Variants in CDH23 observed in about 807,000 individuals in gnomAD.
CDH23 encodes the protein cadherin related 23.
Under a neutral mutation model 317.1 loss-of-function variants are expected in CDH23, and 189 were observed. The ratio of observed to expected loss-of-function variants is 0.60; its 90% confidence interval spans 0.53 to 0.67. The LOEUF is 0.67. Ranked by LOEUF, CDH23 falls within the 30% of genes least tolerant of loss-of-function variation. CDH23 has a pLI of 0.00. For synonymous variants in CDH23, 1,839 were observed against 1,876.8 expected (o/e 0.98, Z 0.52); for missense variants, 4,401 against 4,592.4 (o/e 0.96, Z 1.20).
intron 3 of CDH23, among the ~76,000 whole-genome samples, chr10:71,485,641 C>T (rs749408611): frequency 7.9e-5 from 12 of 152,228 alleles, no homozygotes; most frequent in Non-Finnish European, 1.5e-4. Context: ...GATTCATGCC[C>T]CGAGGCAGGA....
At chr10:71,411,524 T>A (rs1348245295) in intron 1 of CDH23, among the ~76,000 whole-genome samples, 1 of 152,154 alleles carries the variant, frequency 6.6e-6, no homozygotes, top group African/African-American at 2.4e-5. Context: ...TTTTGATTTT[T>A]AAAAACATAT....
rs771841361 is a variant in CDH23, at chr10:71,799,616, T to C, written c.7349T>C (p.Ile2450Thr). 1 of 1,614,046 alleles carries C rather than the reference T, an allele frequency of 6.2e-7. No homozygotes were observed. The highest frequency in any genetic ancestry group is 1.7e-5 in the Admixed American group (1 of 60,028). ...SLGDGESKFAINPTTGDIYVL... is the reference protein window; with the variant it reads ...SLGDGESKFATNPTTGDIYVL... ...GGAGATGGAGAGAGCAAGTTTGCCA[T>C]CAACCCCACCACGGTGAGCAGTGAT... Residue 2450 changes from isoleucine (I) to threonine (T), a missense_variant, in exon 52 of 70, where the codon ATC (isoleucine) becomes ACC (threonine). This residue lies in a region of CDH23 where 189 missense variants were observed against 250.9 expected (regional missense o/e 0.75). Coordinates refer to ENST00000224721, the MANE Select transcript of CDH23 (RefSeq NM_022124.6).
At chr10:71,712,585 C>G (rs892541932) in intron 27 of CDH23, 80 bp from the exon 28 acceptor site, 7 of 1,539,864 alleles carry the variant, frequency 4.5e-6, no homozygotes, top group Non-Finnish European at 6.2e-6. Context: ...CTGGCCGGTG[C>G]CCGGGAGTGT....
At position 71,564,108 on chromosome 10, in the gene CDH23, A is replaced by T. The variant is rs577031423; in HGVS notation, c.430-2634A>T. ...AGTTAGGGAGTCTAACTCAGAATTC[A>T]TGCTCTGAGCCACCAAGTGTTACTC... On this transcript the variant is annotated intron_variant, in intron 6 of 69. Transcript: ENST00000224721. 6.6e-5 allele frequency among the ~76,000 whole-genome samples: 10 copies of T among 152,300 alleles called. No individual in the cohort carries two copies. In the East Asian group the frequency reaches 1.9e-3, roughly 29 times the overall value.
rs1866199651 is a variant in CDH23, at chr10:71,715,946, G to A, written c.3369+3133G>A. 3 of 1,469,134 alleles carry A rather than the reference G, an allele frequency of 2.0e-6. No homozygotes were observed. In the South Asian group the frequency reaches 4.3e-5, roughly 21 times the overall value. 91.0% of individuals were successfully genotyped at this position (1,469,134 alleles called of 1,614,324 possible). On this transcript the variant is annotated intron_variant, in intron 28 of 69. Coordinates refer to ENST00000224721, the MANE Select transcript of CDH23 (RefSeq NM_022124.6). ...TTTGTGGACACCCCATTACATCTTG[G>A]TAGATTCCATGTAGTCACAGTGGCT...
At chr10:71,792,169 C>T (rs1181780429) in intron 47 of CDH23, among the ~76,000 whole-genome samples, 1 of 152,094 alleles carries the variant, frequency 6.6e-6, no homozygotes, top group Non-Finnish European at 1.5e-5. Context: ...ATAAAGGAAG[C>T]AATGAGGCCA....
chr10:71,524,181 A>G (rs531484706), intron 6 of CDH23, among the ~76,000 whole-genome samples: 64 of 152,290 alleles, frequency 4.2e-4, no homozygotes, highest in Admixed American at 5.9e-4. Flanking sequence ...CTTACGGGTG[A>G]CTGTGAGCTC....
chr10:71,604,677 C>T (rs1860425982), intron 9 of CDH23, among the ~76,000 whole-genome samples: 1 of 152,246 alleles, frequency 6.6e-6, no homozygotes, highest in Non-Finnish European at 1.5e-5. Flanking sequence ...CCAGTCTCCC[C>T]AGCAGGAGTG....
intron 36 of CDH23, 107 bp downstream of exon 36, chr10:71,739,879 A>C: frequency 7.6e-7 from 1 of 1,307,826 alleles, no homozygotes; most frequent in South Asian, 1.5e-5. Context: ...TCTGGTGGTC[A>C]GTGCCCCTGC....
intron 41 of CDH23, among the ~76,000 whole-genome samples, chr10:71,783,250 C>T (rs141494636): frequency 6.6e-6 from 1 of 152,230 alleles, no homozygotes; most frequent in Non-Finnish European, 1.5e-5. Context: ...CCACAGCCCC[C>T]ACCATTCTTG....
intron 11 of CDH23, among the ~76,000 whole-genome samples, chr10:71,632,211 A>G (rs9664756): frequency 0.11 from 16,748 of 152,286 alleles, 3,071 homozygotes; most frequent in African/African-American, 0.38. Flanking sequence ...AGGCACCAGC[A>G]TGAGCAGCAG....
chr10:71,647,601 C>G (rs1185849281), intron 14 of CDH23: 1 of 152,260 alleles, frequency 6.6e-6, no homozygotes, highest in Non-Finnish European at 1.5e-5. Context: ...TGACTTCTTA[C>G]CAATTTATCA....
chr10:71,760,117 G>GTGTGTATATATATGTATATACATATATA (rs1840305952), intron 38 of CDH23, among the ~76,000 whole-genome samples: 1 of 53,010 alleles, frequency 1.9e-5, no homozygotes, highest in Non-Finnish European at 4.9e-5. Flanking sequence ...ATACATATAT[G>GTGTGTATATATATGTATATACATATATA]TGTGTATATA....
intron 6 of CDH23, among the ~76,000 whole-genome samples, chr10:71,524,238 C>T (rs145751683): frequency 6.6e-6 from 1 of 152,298 alleles, no homozygotes; most frequent in Non-Finnish European, 1.5e-5. Flanking sequence ...GTGGACGGAC[C>T]CTCAGGGCCT....
chr10:71,495,385 T>G (rs1017215474), intron 3 of CDH23, among the ~76,000 whole-genome samples: 1 of 152,076 alleles, frequency 6.6e-6, no homozygotes, highest in African/African-American at 2.4e-5. Flanking sequence ...GCTTTTATGA[T>G]TGCGCCTTTC....
At chr10:71,528,832 C>T in intron 6 of CDH23, among the ~76,000 whole-genome samples, 1 of 152,304 alleles carries the variant, frequency 6.6e-6, no homozygotes, top group Non-Finnish European at 1.5e-5. Flanking sequence ...ATAGCCAAAG[C>T]CCCCACATGC....
intron 38 of CDH23, chr10:71,753,673 G>A: frequency 2.3e-6 from 1 of 437,928 alleles, no homozygotes; most frequent in Non-Finnish European, 4.6e-6. Context: ...CCAATTAGAT[G>A]CAGTGACCCC....
At chr10:71,592,032 C>T (rs760809543) in intron 9 of CDH23, among the ~76,000 whole-genome samples, 4 of 152,018 alleles carry the variant, frequency 2.6e-5, no homozygotes, top group Non-Finnish European at 4.4e-5. Flanking sequence ...GATCAGACTG[C>T]AGAAAGGGAA....
At chr10:71,782,612 GC>G (rs1271111979) in intron 41 of CDH23, among the ~76,000 whole-genome samples, 7 of 152,230 alleles carry the variant, frequency 4.6e-5, no homozygotes, top group Admixed American at 2.0e-4. Flanking sequence ...AACTAGGCTG[GC>G]CCAGCCCCCA....
Sources: gnomAD v4.1 joint callset for allele counts (sites outside exome capture counted in the v4.1 genomes callset) on GRCh38, gnomAD v4.1.1 for gene constraint, gnomAD v4.1.1 regional missense constraint, MANE v1.5 for transcripts, NCBI Gene and HGNC (gene_info 2026-07-23, HGNC 2026-07-21) for gene names.